The following SYK variants were observed in gnomAD, a reference collection of about 807,000 sequenced individuals.
The protein encoded by SYK is spleen associated tyrosine kinase.
A neutral mutation model predicts 77.8 loss-of-function variants in SYK; 16 were observed. The observed-to-expected ratio is 0.21, with a 90% confidence interval of 0.14 to 0.31. SYK has a LOEUF of 0.31. Ranked by LOEUF, SYK falls within the 10% of genes least tolerant of loss-of-function variation. The pLI, the probability that SYK is intolerant of heterozygous loss-of-function variation, is 1.00. For missense variants in SYK, 529 were observed against 814.4 expected (o/e 0.65, Z 4.26); for synonymous variants, 312 against 308.7 (o/e 1.01, Z -0.11).
At chr9:90,814,528 A>G (rs540355671) in intron 1 of SYK, among the ~76,000 whole-genome samples, 5 of 152,286 alleles carry the variant, frequency 3.3e-5, no homozygotes, top group Admixed American at 3.3e-4. Flanking sequence ...GGTCTGCCAG[A>G]CACCAAGCTG....
chr9:90,884,181 A>G (rs1190216716), intron 11 of SYK, among the ~76,000 whole-genome samples: 2 of 148,276 alleles, frequency 1.3e-5, no homozygotes, highest in East Asian at 1.9e-4. Flanking sequence ...ACATACGTGT[A>G]TATATACACA....
At chr9:90,847,306 T>A (rs1311572566) in intron 3 of SYK, among the ~76,000 whole-genome samples, 1 of 152,226 alleles carries the variant, frequency 6.6e-6, no homozygotes, top group African/African-American at 2.4e-5. Context: ...TCAGCTGGTG[T>A]CAGAGCTAAC....
chr9:90,811,466 CA>C (rs201037439), intron 1 of SYK, among the ~76,000 whole-genome samples: 15 of 149,768 alleles, frequency 1.0e-4, no homozygotes, highest in East Asian at 3.9e-4. Flanking sequence ...TTTATAATAG[CA>C]AAAAAAAATC....
Position 90,874,236 on chromosome 9 carries a change from T to G in SYK, c.948T>G (p.Ser316Arg). ...SSPAQGNRQE[S>R]TVSFNPYEPE... is the part of the protein sequence containing the mutation. ...CTGCCCAAGGGAACCGGCAAGAGAG[T>G]ACTGTGTCATTCAATCCGTATGAGC... The change falls in exon 8 of 14, where the codon AGT (serine) becomes AGG (arginine). Residue 316 changes from serine (S) to arginine (R), a missense_variant. This residue lies in a region of SYK where 321 missense variants were observed against 433.1 expected (regional missense o/e 0.74). Coordinates refer to ENST00000375754, the MANE Select transcript of SYK (RefSeq NM_003177.7). 1 of 1,614,124 alleles carries G rather than the reference T, an allele frequency of 6.2e-7. No homozygotes were observed. Among genetic ancestry groups the G allele is most frequent in the Non-Finnish European group, 8.5e-7 (1 of 1,180,018 alleles).
intron 1 of SYK, among the ~76,000 whole-genome samples, chr9:90,806,261 C>T (rs1047281832): frequency 1.1e-4 from 17 of 152,152 alleles, no homozygotes; most frequent in African/African-American, 3.4e-4. Context: ...AGTAATCTCA[C>T]GGTTCCATTT....
At chr9:90,831,215 G>C (rs1354606520) in intron 1 of SYK, among the ~76,000 whole-genome samples, 1 of 152,134 alleles carries the variant, frequency 6.6e-6, no homozygotes, top group Non-Finnish European at 1.5e-5. Context: ...AATCGCTAAG[G>C]ACTGCTGGAA....
chr9:90,880,655 G>T (rs1358592178), intron 11 of SYK, among the ~76,000 whole-genome samples: 2 of 152,216 alleles, frequency 1.3e-5, no homozygotes, highest in Non-Finnish European at 2.9e-5. Context: ...CTTATCCACT[G>T]CTGTATAACA....
intron 1 of SYK, among the ~76,000 whole-genome samples, chr9:90,819,684 A>G (rs1437930083): frequency 6.6e-6 from 1 of 152,088 alleles, no homozygotes; most frequent in Non-Finnish European, 1.5e-5. Flanking sequence ...TGGGAGGTAC[A>G]ATTCAAGTTG....
chr9:90,879,175 T>A (rs1828055782), intron 11 of SYK, among the ~76,000 whole-genome samples: 1 of 152,232 alleles, frequency 6.6e-6, no homozygotes, highest in South Asian at 2.1e-4. Flanking sequence ...CTAAATTATG[T>A]TTCATGGAAT....
chr9:90,812,543 C>G (rs114683003), intron 1 of SYK, among the ~76,000 whole-genome samples: 2 of 152,190 alleles, frequency 1.3e-5, no homozygotes, highest in Non-Finnish European at 1.5e-5. Flanking sequence ...CTCCACCCCA[C>G]CCAGTGCAGG....
At chr9:90,829,632 C>T (rs903316985) in intron 1 of SYK, among the ~76,000 whole-genome samples, 5 of 152,198 alleles carry the variant, frequency 3.3e-5, no homozygotes, top group Non-Finnish European at 5.9e-5. Flanking sequence ...TTTCTGCCTA[C>T]CTGTTGTCAG....
At chr9:90,841,210 AGT>A (rs1036602611) in intron 1 of SYK, among the ~76,000 whole-genome samples, 2 of 147,934 alleles carry the variant, frequency 1.4e-5, no homozygotes, top group African/African-American at 2.5e-5. Context: ...TGTTGCATGT[AGT>A]GTGTTGTGTG....
intron 13 of SYK, among the ~76,000 whole-genome samples, chr9:90,891,469 A>G (rs1828790112): frequency 6.6e-6 from 1 of 152,056 alleles, no homozygotes; most frequent in Non-Finnish European, 1.5e-5. Context: ...TCCATGTTGA[A>G]TATCCCTGGC....
intron 4 of SYK, among the ~76,000 whole-genome samples, chr9:90,864,262 A>G (rs926368526): frequency 2.0e-5 from 3 of 152,178 alleles, no homozygotes; most frequent in Non-Finnish European, 4.4e-5. Context: ...CCTGAAGAGA[A>G]TGGTTTGTAT....
Position 90,874,869 on chromosome 9 carries a change from C to T in SYK, c.1181+20C>T, listed in dbSNP as rs1215954960. On this transcript the variant is annotated intron_variant, in intron 9 of 13. Coordinates refer to ENST00000375754, the MANE Select transcript of SYK (RefSeq NM_003177.7). ...GAAAAAGTAAGTTGCTATGTTCCAC[C>T]AGCCTCACCCTCACATGAGCTCAGG... 1 of 1,612,782 alleles carries T rather than the reference C, an allele frequency of 6.2e-7. No individual in the cohort carries two copies. The highest frequency in any genetic ancestry group is 1.3e-5 in the African/African-American group (1 of 74,854).
chr9:90,839,296 TCA>T (rs1826205721), intron 1 of SYK, among the ~76,000 whole-genome samples: 1 of 152,042 alleles, frequency 6.6e-6, no homozygotes, highest in East Asian at 1.9e-4. Context: ...GCCCAAACCA[TCA>T]CCACCAACAT....
At chr9:90,862,512 C>A (rs571180854) in intron 4 of SYK, among the ~76,000 whole-genome samples, 168 bp downstream of exon 4, 2 of 152,212 alleles carry the variant, frequency 1.3e-5, no homozygotes, top group Non-Finnish European at 2.9e-5. Flanking sequence ...CTGGACCACA[C>A]CTGGGCTCCT....
Position 90,837,054 on chromosome 9 carries a change from G to A in SYK, c.-41-6804G>A, listed in dbSNP as rs1163648518. Among the ~76,000 whole-genome samples, 190 of 152,188 alleles carry A rather than the reference G, an allele frequency of 1.2e-3. 1 individual carries two copies. Among genetic ancestry groups the A allele is most frequent in the African/African-American group, 4.4e-3 (182 of 41,492 alleles). On this transcript the variant is annotated intron_variant, in intron 1 of 13. Transcript: ENST00000375754. ...ATGATACATATAACATGCAAAATAT[G>A]TGTTAATCAGTTATTTATGTTATAG...
rs1219078412 is a variant in SYK, at chr9:90,847,936, C to T, written c.578+2342C>T. ...TAACAGAGAAAGTGTGAGGAAACAC[C>T]TTGGAGGGGTTTGCCACCTGGCAAT... On this transcript the variant is annotated intron_variant, in intron 3 of 13. Transcript: ENST00000375754. Among the ~76,000 whole-genome samples the T allele has an allele frequency of 8.5e-5, 13 of 152,294 alleles. No homozygotes were observed. In the East Asian group the frequency reaches 1.7e-3, roughly 20 times the overall value.
Sources: allele counts gnomAD v4.1 joint callset (sites outside exome capture counted in the v4.1 genomes callset), GRCh38; gene constraint gnomAD v4.1.1; regional missense constraint gnomAD v4.1.1; transcripts MANE v1.5; gene names NCBI Gene and HGNC (gene_info 2026-07-23, HGNC 2026-07-21).